The following CAMSAP3 variants were observed in gnomAD, a reference collection of about 807,000 sequenced individuals.
The protein encoded by CAMSAP3 is calmodulin regulated spectrin associated protein family member 3.
CAMSAP3 carries 34 observed loss-of-function variants against 112.5 expected under a neutral mutation model. That is an observed-to-expected ratio of 0.30 (90% CI 0.23 to 0.40). The LOEUF is 0.40. Among genes scored for constraint, CAMSAP3 ranks in the 10% least tolerant of loss-of-function variants. The pLI is 1.00. For synonymous variants in CAMSAP3, 868 were observed against 799.8 expected, an observed-to-expected ratio of 1.09 and a Z score of -1.44; for missense variants, 1,602 against 1,770.3, an observed-to-expected ratio of 0.90 and a Z score of 1.71.
chr19:7,606,830 G>A (rs749935656), intron 4 of CAMSAP3: 48 of 1,612,928 alleles, frequency 3.0e-5, no homozygotes, highest in Non-Finnish European at 3.4e-5. Flanking sequence ...CTGTCTGTCC[G>A]CCCCGTCTGC....
chr19:7,606,911 T>C (rs1414721036), intron 4 of CAMSAP3: 2 of 1,283,722 alleles, frequency 1.6e-6, no homozygotes, highest in Non-Finnish European at 2.3e-6. Context: ...CTCTCATACC[T>C]CCCCAAGCTG....
intron 1 of CAMSAP3, 79 bp from the exon 2 acceptor site, chr19:7,605,147 G>GGGGTGTGTGTGTGTGT (rs142949309): frequency 1.1e-5 from 7 of 624,564 alleles, no homozygotes; most frequent in South Asian, 2.7e-5. Flanking sequence ...CGGGCCATGT[G>GGGGTGTGTGTGTGTGT]GTGTGTGTGT....
intron 3 of CAMSAP3, 23 bp from the exon 4 acceptor site, chr19:7,606,453 C>T: frequency 1.2e-6 from 2 of 1,607,894 alleles, no homozygotes; most frequent in Non-Finnish European, 1.7e-6. Flanking sequence ...GGCCAGACCA[C>T]TGACCCCCTC....
At position 7,607,385 on chromosome 19, in the gene CAMSAP3, G is replaced by A. The variant is rs1411986027; in HGVS notation, c.622-741G>A. Among the ~76,000 whole-genome samples the A allele has an allele frequency of 6.6e-6, 1 of 152,228 alleles. No homozygotes were observed. Among genetic ancestry groups the A allele is most frequent in the Non-Finnish European group, 1.5e-5 (1 of 68,040 alleles). ...AATTTCTCTCTTCCCTGAATGAGCT[G>A]TGTGACCTTGCAGAAGTATCTAAAC... On this transcript the variant is annotated intron_variant, in intron 4 of 16. Coordinates refer to ENST00000160298, the MANE Select transcript of CAMSAP3 (RefSeq NM_020902.2). This position sits in a 1 kb window ranked among gnomAD's most constrained non-coding sequence, Gnocchi z 4.9.
Position 7,610,708 on chromosome 19 carries a change from G to A in CAMSAP3, c.909G>A (p.Leu303=). ...CGGCCTCCCACCTCCAGGTCAACTT[G>A]GTGGTGATGCTGGCCGAGTTGTTCA... ...LYVPPPLKVN[L]VVMLAELFMC... The change falls in exon 7 of 17, where the codon TTG becomes TTA. Residue 303 remains leucine (L), a synonymous_variant. Coordinates refer to ENST00000160298, the MANE Select transcript of CAMSAP3 (RefSeq NM_020902.2). This position sits in a 1 kb window ranked among gnomAD's most constrained non-coding sequence, Gnocchi z 4.9. 1.9e-6 allele frequency: 3 copies of A among 1,614,038 alleles called. No individual in the cohort carries two copies. Among genetic ancestry groups the A allele is most frequent in the Non-Finnish European group, 2.5e-6 (3 of 1,179,998 alleles).
rs2030548536 is a variant in CAMSAP3, at chr19:7,612,452, G to A, written c.1959G>A (p.Ala653=). 2.5e-6 allele frequency: 4 copies of A among 1,580,992 alleles called. No homozygotes were observed. The highest frequency in any genetic ancestry group is 2.3e-5 in the East Asian group (1 of 43,040). Residue 653 remains alanine (A), a synonymous_variant, in exon 11 of 17, where the codon GCG becomes GCA. Transcript: ENST00000160298. The part of the protein sequence containing the change: ...REASGEAEAE[A]EEADSGPVPG... ...CCTCTGGGGAGGCGGAAGCAGAGGC[G>A]GAGGAGGCCGATTCCGGTCCAGTCC...
Position 7,612,995 on chromosome 19 carries a change from C to A in CAMSAP3, c.2502C>A (p.Pro834=), listed in dbSNP as rs754479028. Residue 834 remains proline, a synonymous_variant, in exon 11 of 17, where the codon CCC becomes CCA. Coordinates refer to ENST00000160298, the MANE Select transcript of CAMSAP3 (RefSeq NM_020902.2). ...SSILLAEETP[P]EEPAARPGLI... ...TCCTCCTGGCGGAGGAGACGCCCCC[C>A]GAGGAGCCAGCCGCCCGGCCGGGCC... The A allele has an allele frequency of 3.8e-6, 6 of 1,579,042 alleles. No individual in the cohort carries two copies. The highest frequency in any genetic ancestry group is 2.6e-6 in the Non-Finnish European group (3 of 1,165,196).
intron 5 of CAMSAP3, 148 bp downstream of exon 5, chr19:7,608,412 G>GT: frequency 1.1e-6 from 1 of 907,810 alleles, no homozygotes; most frequent in Non-Finnish European, 1.7e-6. Flanking sequence ...GCCTGAGTTT[G>GT]TGTCTCTCTC....
In CAMSAP3 at chr19:7,612,606, A is replaced by G; in HGVS notation, c.2113A>G (p.Lys705Glu). 6.5e-7 allele frequency: 1 copy of G among 1,530,904 alleles called. No homozygotes were observed. Among genetic ancestry groups the G allele is most frequent in the Non-Finnish European group, 8.8e-7 (1 of 1,142,772 alleles). 94.8% of individuals were successfully genotyped at this position (1,530,904 alleles called of 1,614,324 possible). ...GLGEYNRAVS[K>E]LSAALSSLQR... is the part of the protein sequence containing the mutation. ...GGGGGAATACAATCGAGCGGTCAGC[A>G]AGCTGAGTGCCGCCTTGAGCTCGCT... Residue 705 changes from lysine (K) to glutamate (E), a missense_variant, in exon 11 of 17, where the codon AAG becomes GAG. Lys to Glu is a moderately conservative substitution (Grantham distance 56). Coordinates refer to ENST00000160298, the MANE Select transcript of CAMSAP3 (RefSeq NM_020902.2).
In CAMSAP3 at chr19:7,611,212, C is replaced by G; in HGVS notation, c.1123+44C>G. On this transcript the variant is annotated intron_variant, in intron 9 of 16. Coordinates refer to ENST00000160298, the MANE Select transcript of CAMSAP3 (RefSeq NM_020902.2). This position sits in a 1 kb window ranked among gnomAD's most constrained non-coding sequence, Gnocchi z 6.9. ...GCTTCTGTCACGGGGGACCCCCCCA[C>G]TCACAGACTGCCCCAGTGGGCCTCA... 1.3e-6 allele frequency: 2 copies of G among 1,579,216 alleles called. No homozygotes were observed. The highest frequency in any genetic ancestry group is 1.7e-5 in the Admixed American group (1 of 59,768).
Position 7,610,456 on chromosome 19 carries a change from C to A in CAMSAP3, c.761-20C>A. The stretch of plus-strand genomic sequence containing the variant: ...CCTCCTCCTCATAGAGTTGGGGACC[C>A]ACTCCTCCTGTCCCCACAGAGGTGT... On this transcript the variant is annotated intron_variant, in intron 5 of 16. Coordinates refer to ENST00000160298, the MANE Select transcript of CAMSAP3 (RefSeq NM_020902.2). The surrounding 1 kb of genome is among the most constrained non-coding windows in gnomAD (Gnocchi z 4.9). The A allele has an allele frequency of 6.3e-7, 1 of 1,598,028 alleles. No individual in the cohort carries two copies. Among genetic ancestry groups the A allele is most frequent in the South Asian group, 1.1e-5 (1 of 88,404 alleles).
In CAMSAP3 at chr19:7,608,633, CTTT is replaced by C. The variant is rs1012617941; in HGVS notation, c.760+385_760+387del. On this transcript the variant is annotated intron_variant, in intron 5 of 16. Transcript: ENST00000160298. ...AAGATACTAAGTTTATCCAAAAGTA[CTTT>C]TTTTTTTTTTTTTTTGAGACGGGAG... 6.4e-4 allele frequency among the ~76,000 whole-genome samples: 84 copies of C among 131,614 alleles called. No individual in the cohort carries two copies. The East Asian group carries it at 9.2e-3, about 14-fold the overall frequency. The allele number at this position is 131,614 out of a possible 152,430, so 86.3% of individuals were successfully genotyped here.
chr19:7,615,434 G>T lies in CAMSAP3; in HGVS notation c.2827G>T (p.Ala943Ser), dbSNP rs1442196747. Residue 943 changes from alanine to serine, a missense_variant, in exon 13 of 17, where the codon GCC (alanine) becomes TCC (serine). Physicochemically the swap from Ala to Ser is moderately conservative, Grantham distance 99. This residue lies in a region of CAMSAP3 where 1,100 missense variants were observed against 1,135.7 expected (regional missense o/e 0.97). Coordinates refer to ENST00000160298, the MANE Select transcript of CAMSAP3 (RefSeq NM_020902.2). The surrounding 1 kb of genome is among the most constrained non-coding windows in gnomAD (Gnocchi z 6.5). ...GATCTGCAGGCTGGCCCAAGAGGAG[G>T]CCCCGGGCCCAGCCCCGCTTGTGTC... ...EEAARLAQEE[A>S]PGPAPLVSAV... 1.9e-6 allele frequency: 3 copies of T among 1,540,778 alleles called. No individual in the cohort carries two copies. Among genetic ancestry groups the T allele is most frequent in the Non-Finnish European group, 2.6e-6 (3 of 1,145,952 alleles).
At position 7,611,735 on chromosome 19, in the gene CAMSAP3, C is replaced by A. The variant is rs1462931441; in HGVS notation, c.1242C>A (p.Asp414Glu). Reference protein sequence around the residue: ...AVSFSTPFGLDSDVDVVMGDP... With the variant: ...AVSFSTPFGLESDVDVVMGDP... ...CATTCAGCACCCCCTTTGGCCTGGA[C>A]AGCGACGTGGATGTCGTCATGGGAG... The change falls in exon 11 of 17, where the codon GAC (aspartate) becomes GAA (glutamate). Residue 414 changes from aspartate (D) to glutamate (E), a missense_variant. Asp to Glu is a conservative substitution (Grantham distance 45, BLOSUM62 2). This residue lies in a region of CAMSAP3 where 1,100 missense variants were observed against 1,135.7 expected (regional missense o/e 0.97). Transcript: ENST00000160298. The surrounding 1 kb of genome is among the most constrained non-coding windows in gnomAD (Gnocchi z 6.9). 1.3e-6 allele frequency: 2 copies of A among 1,567,820 alleles called. No homozygotes were observed. The highest frequency in any genetic ancestry group is 1.7e-6 in the Non-Finnish European group (2 of 1,155,236).
chr19:7,605,537 G>A (rs2030169835), intron 2 of CAMSAP3, 58 bp downstream of exon 2: 1 of 1,390,160 alleles, frequency 7.2e-7, no homozygotes, highest in Non-Finnish European at 9.3e-7. Flanking sequence ...CTCCCCTCAA[G>A]CTCCTCCCGC....
chr19:7,598,577 T>C (rs917904560), intron 1 of CAMSAP3, among the ~76,000 whole-genome samples: 3 of 152,026 alleles, frequency 2.0e-5, no homozygotes. Flanking sequence ...GGAGATTAGA[T>C]AAGAAAGGGT....
chr19:7,618,117 ACAGT>A lies in CAMSAP3; in HGVS notation c.*66_*69del, dbSNP rs1444003775. 3.2e-6 allele frequency: 5 copies of A among 1,550,146 alleles called. No individual in the cohort carries two copies. Among genetic ancestry groups the A allele is most frequent in the East Asian group, 4.5e-5 (2 of 44,324 alleles). ...TGCTGCGGCCGCCATCCCCTGGAGG[ACAGT>A]CAGTCGGTATTCCTGGGTCCTGTCT... is the stretch of plus-strand genomic sequence containing the variant. On this transcript the variant is annotated 3_prime_UTR_variant, in exon 17 of 17. Transcript: ENST00000160298.
chr19:7,615,261 G>A lies in CAMSAP3; in HGVS notation c.2749G>A (p.Ala917Thr), dbSNP rs750289515. 1.9e-6 allele frequency: 3 copies of A among 1,550,114 alleles called. No homozygotes were observed. The highest frequency in any genetic ancestry group is 2.4e-5 in the South Asian group (2 of 84,030). Residue 917 changes from alanine (A) to threonine (T), a missense_variant, in exon 12 of 17, where the codon GCG becomes ACG. Transcript: ENST00000160298. The surrounding 1 kb of genome is among the most constrained non-coding windows in gnomAD (Gnocchi z 6.5). ...LERQQRRAEE[A>T]RRRKQWQEVE... ...GCGGCAGCAGCGGCGAGCAGAGGAG[G>A]CGCGGCGGCGCAAGCAGTGGCAGGA...
At position 7,611,620 on chromosome 19, in the gene CAMSAP3, G is replaced by A. The variant is rs765275617; in HGVS notation, c.1193+34G>A. 1.2e-6 allele frequency: 2 copies of A among 1,604,888 alleles called. No homozygotes were observed. The highest frequency in any genetic ancestry group is 3.4e-5 in the Admixed American group (2 of 58,876). The stretch of plus-strand genomic sequence containing the variant: ...ACCTCACAGGCCAGGGTAGGGGGTG[G>A]AGCAGGCTAGGGCGGGTTGGGGCCG... On this transcript the variant is annotated intron_variant, in intron 10 of 16. Coordinates refer to ENST00000160298, the MANE Select transcript of CAMSAP3 (RefSeq NM_020902.2). This position sits in a 1 kb window ranked among gnomAD's most constrained non-coding sequence, Gnocchi z 6.9.
Sources: gnomAD v4.1 joint callset for allele counts (sites outside exome capture counted in the v4.1 genomes callset) on GRCh38, gnomAD v4.1.1 for gene constraint, gnomAD v4.1.1 regional missense constraint, Gnocchi (gnomAD v3.1) non-coding constraint, MANE v1.5 for transcripts, NCBI Gene and HGNC (gene_info 2026-07-23, HGNC 2026-07-21) for gene names.